The following TLL1 variants were observed in gnomAD, a reference collection of about 807,000 sequenced individuals.
TLL1 encodes the protein tolloid like 1.
A neutral mutation model predicts 128.2 loss-of-function variants in TLL1; 49 were observed. That is an observed-to-expected ratio of 0.38 (90% CI 0.30 to 0.48). TLL1 has a LOEUF of 0.48. TLL1 is among the 20% of genes least tolerant of loss of function. TLL1 has a pLI of 0.96. For missense variants in TLL1, 1,123 were observed against 1,242.0 expected (o/e 0.90, Z 1.44); for synonymous variants, 454 against 418.8 (o/e 1.08, Z -1.03).
Position 165,974,298 on chromosome 4 carries a change from G to A in TLL1, c.170-15083G>A, listed in dbSNP as rs956524056. ...TGGGACTACAGGCGCCCGCCACTAC[G>A]CCCGGCTAATTTTTTGTATTTTTCA... On this transcript the variant is annotated intron_variant, in intron 1 of 20. Coordinates refer to ENST00000061240, the MANE Select transcript of TLL1 (RefSeq NM_012464.5). Among the ~76,000 whole-genome samples, 3 of 142,370 alleles carry A rather than the reference G, an allele frequency of 2.1e-5. 1 individual carries two copies. The highest frequency in any genetic ancestry group is 1.4e-4 in the Admixed American group (2 of 14,766). The allele number at this position is 142,370 out of a possible 152,430, so 93.4% of individuals were successfully genotyped here. A position where few individuals can be genotyped will look rare whatever the true frequency, so the allele number is the denominator to read the frequency against.
At chr4:166,043,580 T>G (rs1739332068) in intron 12 of TLL1, among the ~76,000 whole-genome samples, 161 bp downstream of exon 12, 1 of 151,032 alleles carries the variant, frequency 6.6e-6, no homozygotes, top group African/African-American at 2.4e-5. Flanking sequence ...AGCAAAAGGG[T>G]TTTTTTTCTT....
chr4:165,903,752 C>CACACACAT (rs1732119460), intron 1 of TLL1, among the ~76,000 whole-genome samples: 2 of 151,618 alleles, frequency 1.3e-5, no homozygotes, highest in Non-Finnish European at 2.9e-5. Context: ...CACACACACA[C>CACACACAT]ACACACACAC....
intron 1 of TLL1, among the ~76,000 whole-genome samples, chr4:165,979,048 GTT>G (rs141509182): frequency 0.086 from 13,127 of 152,026 alleles, 1,755 homozygotes; most frequent in African/African-American, 0.29. Context: ...GTTGTTCTGT[GTT>G]TTTTTATAGC....
At chr4:165,988,433 A>G (rs1448607837) in intron 1 of TLL1, among the ~76,000 whole-genome samples, 1 of 152,012 alleles carries the variant, frequency 6.6e-6, no homozygotes, top group Non-Finnish European at 1.5e-5. Flanking sequence ...AACATGGCAC[A>G]ACCCTTTCTG....
At chr4:165,941,285 A>G (rs956481242) in intron 1 of TLL1, among the ~76,000 whole-genome samples, 2 of 152,128 alleles carry the variant, frequency 1.3e-5, no homozygotes, top group African/African-American at 4.8e-5. Context: ...TAAAAGAGAG[A>G]CTTTGAGAAG....
chr4:166,054,940 A>G, intron 12 of TLL1, 136 bp from the exon 13 acceptor site: 1 of 676,266 alleles, frequency 1.5e-6, no homozygotes, highest in Non-Finnish European at 2.4e-6. Flanking sequence ...CATGAGAAAC[A>G]TTCAAGTACA....
chr4:166,097,071 A>T (rs55903925), intron 19 of TLL1, among the ~76,000 whole-genome samples: 41,047 of 151,910 alleles, frequency 0.27, 5,743 homozygotes, highest in East Asian at 0.41. Flanking sequence ...TATGAACCTA[A>T]GCACTCTTCA....
chr4:166,059,454 G>A (rs1288439541), intron 14 of TLL1, among the ~76,000 whole-genome samples: 1 of 151,986 alleles, frequency 6.6e-6, no homozygotes, highest in Non-Finnish European at 1.5e-5. Flanking sequence ...ATTTAAATTG[G>A]ACTTTTTGGA....
In TLL1 at chr4:166,031,779, A is replaced by G. The variant is rs1371797607; in HGVS notation, c.1158+6348A>G. Among the ~76,000 whole-genome samples the G allele has an allele frequency of 2.6e-5, 4 of 152,314 alleles. No individual in the cohort carries two copies. In the Middle Eastern group the frequency reaches 0.014, roughly 518 times the overall value. On this transcript the variant is annotated intron_variant, in intron 9 of 20. Transcript: ENST00000061240. ...AAAACCTGTCTCAAAATTTCCACAAATACTGAATGAATTAGAATTCAACGT... is the reference window on the plus strand; with the variant it reads ...AAAACCTGTCTCAAAATTTCCACAAGTACTGAATGAATTAGAATTCAACGT...
intron 1 of TLL1, among the ~76,000 whole-genome samples, chr4:165,962,017 C>T (rs1037145723): frequency 6.6e-6 from 1 of 151,712 alleles, no homozygotes; most frequent in Non-Finnish European, 1.5e-5. Flanking sequence ...TTGACATTGG[C>T]AAAAAATTTA....
At chr4:165,997,870 C>T (rs11939906) in intron 5 of TLL1, among the ~76,000 whole-genome samples, 3,259 of 152,238 alleles carry the variant, frequency 0.021, 123 homozygotes, top group African/African-American at 0.074. Flanking sequence ...TATATGATCT[C>T]TTTGATTCAT....
At chr4:165,966,811 C>T (rs1246976483) in intron 1 of TLL1, among the ~76,000 whole-genome samples, 1 of 152,104 alleles carries the variant, frequency 6.6e-6, no homozygotes, top group East Asian at 1.9e-4. Context: ...AGAGAGATCA[C>T]AGGACCAGGG....
chr4:166,070,705 G>C (rs928388150), intron 16 of TLL1, among the ~76,000 whole-genome samples: 3 of 151,902 alleles, frequency 2.0e-5, no homozygotes, highest in Non-Finnish European at 2.9e-5. Context: ...ATTGCAATCT[G>C]TCTAGCTCTA....
At chr4:165,983,336 A>G (rs1314812704) in intron 1 of TLL1, among the ~76,000 whole-genome samples, 1 of 151,876 alleles carries the variant, frequency 6.6e-6, no homozygotes, top group Non-Finnish European at 1.5e-5. Flanking sequence ...ATAGAAAGAT[A>G]TGTTTATTTG....
At chr4:166,019,921 T>A (rs1031909239) in intron 8 of TLL1, among the ~76,000 whole-genome samples, 1 of 152,156 alleles carries the variant, frequency 6.6e-6, no homozygotes, top group Non-Finnish European at 1.5e-5. Flanking sequence ...CAGTGCATAC[T>A]CATCATGAAA....
At chr4:165,899,741 C>A (rs949562391) in intron 1 of TLL1, among the ~76,000 whole-genome samples, 1 of 152,112 alleles carries the variant, frequency 6.6e-6, no homozygotes, top group Non-Finnish European at 1.5e-5. Context: ...ATCAGGTCCA[C>A]TTGGTCCAGA....
chr4:166,082,682 C>T lies in TLL1; in HGVS notation c.2442+4652C>T, dbSNP rs560679715. ...TAACTTTTTTGTTTTTGTTTTGTTT[C>T]GTTTGTTTTTTTGGAGGTGGAGTCT... On this transcript the variant is annotated intron_variant, in intron 18 of 20. Coordinates refer to ENST00000061240, the MANE Select transcript of TLL1 (RefSeq NM_012464.5). Among the ~76,000 whole-genome samples the T allele has an allele frequency of 1.1e-4, 17 of 151,684 alleles. No homozygotes were observed. The South Asian group carries it at 3.5e-3, about 32-fold the overall frequency.
chr4:166,006,025 A>C (rs1737410884), intron 6 of TLL1, among the ~76,000 whole-genome samples: 1 of 151,816 alleles, frequency 6.6e-6, no homozygotes, highest in African/African-American at 2.4e-5. Flanking sequence ...CTGGTATAAA[A>C]GTGCTCATGT....
chr4:166,041,468 T>A (rs1739238320), intron 10 of TLL1, among the ~76,000 whole-genome samples: 2 of 151,932 alleles, frequency 1.3e-5, no homozygotes, highest in Admixed American at 1.3e-4. Context: ...GCCCAGCTAA[T>A]TTTTGTATTT....
Sources: allele counts gnomAD v4.1 joint callset (sites outside exome capture counted in the v4.1 genomes callset), GRCh38; gene constraint gnomAD v4.1.1; transcripts MANE v1.5; gene names NCBI Gene and HGNC (gene_info 2026-07-23, HGNC 2026-07-21).